OR51L1: variants seen among roughly 807,000 people sequenced by gnomAD.
OR51L1 encodes the protein olfactory receptor 51L1.
OR51L1 carries 1 observed loss-of-function variant against 1.4 expected under a neutral mutation model. That is an observed-to-expected ratio of 0.72 (90% CI 0.26 to 3.42). The LOEUF is 3.42. Ranked by LOEUF, OR51L1 falls within the 30% of genes most tolerant of loss-of-function variation. The probability of loss-of-function intolerance (pLI) is 0.20; values close to 1 mark genes in which losing one functional copy is unlikely to be tolerated. For missense variants in OR51L1, 378 were observed against 380.0 expected, an observed-to-expected ratio of 0.99 and a Z score of 0.04; for synonymous variants, 156 against 144.2, an observed-to-expected ratio of 1.08 and a Z score of -0.59.
In OR51L1 at chr11:5,002,651, G is replaced by C. The variant is rs922426846; in HGVS notation, c.*2721G>C. The C allele has an allele frequency of 6.6e-6, 1 of 152,082 alleles. No homozygotes were observed. The highest frequency in any genetic ancestry group is 6.5e-5 in the Admixed American group (1 of 15,272). 9.4% of individuals were successfully genotyped at this position (152,082 alleles called of 1,614,324 possible). The stretch of plus-strand genomic sequence containing the variant: ...AATGACTAATGTAGAAAGTTGGAAA[G>C]GTCTGGCCCCTTCAGCCCAGTGAAT... On this transcript the variant is annotated 3_prime_UTR_variant, in exon 3 of 3. Coordinates refer to ENST00000641819, the MANE Select transcript of OR51L1 (RefSeq NM_001004755.2).
chr11:5,000,805 C>T lies in OR51L1; in HGVS notation c.*875C>T, dbSNP rs1267689072. ...TTGTGGGGTCTATAAGGCTTGCTCA[C>T]GGATGTTTATCTTGGGTCATCTGGT... On this transcript the variant is annotated 3_prime_UTR_variant, in exon 3 of 3. Transcript: ENST00000641819. 2 of 152,276 alleles carry T rather than the reference C, an allele frequency of 1.3e-5. No homozygotes were observed. The highest frequency in any genetic ancestry group is 2.9e-5 in the Non-Finnish European group (2 of 68,146). The allele number at this position is 152,276 out of a possible 1,614,324, so 9.4% of individuals were successfully genotyped here. A position where few individuals can be genotyped will look rare whatever the true frequency, so the allele number is the denominator to read the frequency against.
At chr11:4,998,422 A>G (rs1361178033) in intron 2 of OR51L1, among the ~76,000 whole-genome samples, 1 of 151,938 alleles carries the variant, frequency 6.6e-6, no homozygotes, top group Non-Finnish European at 1.5e-5. Context: ...CTTTTCATAT[A>G]GGGGTATTTA....
In OR51L1 at chr11:4,999,023, T is replaced by G; in HGVS notation, c.41T>G (p.Phe14Cys). Reference protein sequence around the residue: ...WNNSDAVEPIFILRGFPGLEY... With the variant: ...WNNSDAVEPICILRGFPGLEY... ...AACAGTGATGCTGTGGAGCCCATAT[T>G]TATCCTGAGGGGTTTTCCTGGACTG... Residue 14 changes from phenylalanine (F) to cysteine (C), a missense_variant, in exon 3 of 3, where the codon TTT becomes TGT. Transcript: ENST00000641819. 1 of 1,614,028 alleles carries G rather than the reference T, an allele frequency of 6.2e-7. No homozygotes were observed.
rs1186632583 is a variant in OR51L1 at position 5,003,515 on chromosome 11, T to C, written c.*3585T>C. 6.6e-6 allele frequency: 1 copy of C among 152,266 alleles called. No homozygotes were observed. Among genetic ancestry groups the C allele is most frequent in the Admixed American group, 6.5e-5 (1 of 15,272 alleles). The allele number at this position is 152,266 out of a possible 1,614,324, so 9.4% of individuals were successfully genotyped here. A position where few individuals can be genotyped will look rare whatever the true frequency, so the allele number is the denominator to read the frequency against. ...CTCCCTGGCGCAGGCTGCCAATTTATCACTTTTAGAGAGGCAATGTGATAA... is the reference window on the plus strand; with the variant it reads ...CTCCCTGGCGCAGGCTGCCAATTTACCACTTTTAGAGAGGCAATGTGATAA... On this transcript the variant is annotated 3_prime_UTR_variant, in exon 3 of 3. Transcript: ENST00000641819.
Position 4,998,843 on chromosome 11 carries a change from C to A in OR51L1, c.-140C>A, listed in dbSNP as rs1326183809. The A allele has an allele frequency of 2.2e-6, 2 of 900,758 alleles. No individual in the cohort carries two copies. Among genetic ancestry groups the A allele is most frequent in the Non-Finnish European group, 3.3e-6 (2 of 598,108 alleles). 55.8% of individuals were successfully genotyped at this position (900,758 alleles called of 1,614,324 possible). On this transcript the variant is annotated 5_prime_UTR_variant, in exon 3 of 3. Coordinates refer to ENST00000641819, the MANE Select transcript of OR51L1 (RefSeq NM_001004755.2). ...ACATAGGGCCGACAAGAGATACCAGCTTCCTTCCTCTGTGAGGTTAGACGA... is the reference window on the plus strand; with the variant it reads ...ACATAGGGCCGACAAGAGATACCAGATTCCTTCCTCTGTGAGGTTAGACGA...
At position 4,996,769 on chromosome 11, in the gene OR51L1, C is replaced by CTTT. The variant is rs1554896491; in HGVS notation, c.-261-713_-261-712insTTT. Among the ~76,000 whole-genome samples the CTTT allele has an allele frequency of 1.2e-4, 10 of 84,722 alleles. No individual in the cohort carries two copies. In the South Asian group the frequency reaches 1.6e-3, roughly 14 times the overall value. The allele number at this position is 84,722 out of a possible 152,430, so 55.6% of individuals were successfully genotyped here. A position where few individuals can be genotyped will look rare whatever the true frequency, so the allele number is the denominator to read the frequency against. On this transcript the variant is annotated intron_variant, in intron 1 of 2. Transcript: ENST00000641819. ...TCTTTCTTTCTTTCTTTCTTTCTTT[C>CTTT]ATTTCTCTCTCTCTGTTTCTTTCTT... is the stretch of plus-strand genomic sequence containing the variant.
rs1847164709 is a variant in OR51L1, at chr11:5,005,102, T to C, written c.*5172T>C. The C allele has an allele frequency of 6.6e-6, 1 of 152,174 alleles. No homozygotes were observed. The highest frequency in any genetic ancestry group is 1.5e-5 in the Non-Finnish European group (1 of 68,042). The allele number at this position is 152,174 out of a possible 1,614,324, so 9.4% of individuals were successfully genotyped here. ...TCTGGGAAGGGCTACCCACAGATCA[T>C]TCATAAGTAAATTCTTTGCTTGCCT... is the stretch of plus-strand genomic sequence containing the variant. On this transcript the variant is annotated 3_prime_UTR_variant, in exon 3 of 3. Coordinates refer to ENST00000641819, the MANE Select transcript of OR51L1 (RefSeq NM_001004755.2).
rs1003335436 is a variant in OR51L1 at position 4,999,030 on chromosome 11, G to A, written c.48G>A (p.Leu16=). 6.2e-7 allele frequency: 1 copy of A among 1,613,920 alleles called. No homozygotes were observed. Among genetic ancestry groups the A allele is most frequent in the Non-Finnish European group, 8.5e-7 (1 of 1,179,912 alleles). ...ATGCTGTGGAGCCCATATTTATCCT[G>A]AGGGGTTTTCCTGGACTGGAGTATG... ...NSDAVEPIFI[L]RGFPGLEYVH... The change falls in exon 3 of 3, where the codon CTG becomes CTA. Residue 16 remains leucine (L), a synonymous_variant. Coordinates refer to ENST00000641819, the MANE Select transcript of OR51L1 (RefSeq NM_001004755.2).
In OR51L1 at chr11:5,004,750, A is replaced by T. The variant is rs557890786; in HGVS notation, c.*4820A>T. 2 of 152,266 alleles carry T rather than the reference A, an allele frequency of 1.3e-5. No individual in the cohort carries two copies. Among genetic ancestry groups the T allele is most frequent in the South Asian group, 4.1e-4 (2 of 4,822 alleles). The allele number at this position is 152,266 out of a possible 1,614,324, so 9.4% of individuals were successfully genotyped here. ...TTTGAAACTGGGACAATAAATAAAT[A>T]ACTGACACATTTGCTGATATTATCA... On this transcript the variant is annotated 3_prime_UTR_variant, in exon 3 of 3. Transcript: ENST00000641819.
chr11:5,005,519 A>G lies in OR51L1; in HGVS notation c.*5589A>G, dbSNP rs745353948. On this transcript the variant is annotated 3_prime_UTR_variant, in exon 3 of 3. Coordinates refer to ENST00000641819, the MANE Select transcript of OR51L1 (RefSeq NM_001004755.2). ...CTTTTGTTTTTCCCAGAAGTGCCCT[A>G]AACCTGGCTTAATAAACTTCAGTGA... 6.6e-6 allele frequency: 1 copy of G among 152,170 alleles called. No individual in the cohort carries two copies. The highest frequency in any genetic ancestry group is 2.4e-5 in the African/African-American group (1 of 41,450). 9.4% of individuals were successfully genotyped at this position (152,170 alleles called of 1,614,324 possible). A position where few individuals can be genotyped will look rare whatever the true frequency, so the allele number is the denominator to read the frequency against.
At chr11:4,996,368 T>C (rs1053737394) in intron 1 of OR51L1, among the ~76,000 whole-genome samples, 1 of 152,032 alleles carries the variant, frequency 6.6e-6, no homozygotes, top group Non-Finnish European at 1.5e-5. Flanking sequence ...CAGTTAAAAA[T>C]TAATAGGGAT....
chr11:4,999,858 T>A lies in OR51L1; in HGVS notation c.876T>A (p.Ile292=). 1 of 1,613,928 alleles carries A rather than the reference T, an allele frequency of 6.2e-7. No individual in the cohort carries two copies. The highest frequency in any genetic ancestry group is 8.5e-7 in the Non-Finnish European group (1 of 1,179,882). ...TTCTTCCCCCAGTCCTTAACCCTAT[T>A]GTCTATAGTGTCAGAACAAAGCAGA... The part of the protein sequence containing the change: ...YLLLPPVLNP[I]VYSVRTKQIR... The change falls in exon 3 of 3, where the codon ATT becomes ATA. Residue 292 remains isoleucine, a synonymous_variant. Transcript: ENST00000641819.
chr11:5,000,108 T>G lies in OR51L1; in HGVS notation c.*178T>G, dbSNP rs576555624. 11 of 638,356 alleles carry G rather than the reference T, an allele frequency of 1.7e-5. No individual in the cohort carries two copies. Among genetic ancestry groups the G allele is most frequent in the East Asian group, 2.8e-5 (1 of 35,760 alleles). The allele number at this position is 638,356 out of a possible 1,614,324, so 39.5% of individuals were successfully genotyped here. On this transcript the variant is annotated 3_prime_UTR_variant, in exon 3 of 3. Coordinates refer to ENST00000641819, the MANE Select transcript of OR51L1 (RefSeq NM_001004755.2). ...AAACTCAGGATTTTTTTGGACAAAT[T>G]GTGACAACTATGGCCTTACGTTGTC...
intron 1 of OR51L1, among the ~76,000 whole-genome samples, chr11:4,996,769 C>CTTTCTTTCTTTG (rs1554896491): frequency 2.4e-5 from 2 of 84,696 alleles, no homozygotes; most frequent in African/African-American, 4.6e-5. Context: ...TTCTTTCTTT[C>CTTTCTTTCTTTG]ATTTCTCTCT....
Position 4,998,942 on chromosome 11 carries a change from C to T in OR51L1, c.-41C>T, listed in dbSNP as rs373919370. ...CTTTGAGGGATCAGGAAGGAAAACACGAACCATTCCTCACTACTTGCTGAA... is the reference window on the plus strand; with the variant it reads ...CTTTGAGGGATCAGGAAGGAAAACATGAACCATTCCTCACTACTTGCTGAA... On this transcript the variant is annotated 5_prime_UTR_variant, in exon 3 of 3. The change creates a new upstream start codon in the 5' untranslated region. Coordinates refer to ENST00000641819, the MANE Select transcript of OR51L1 (RefSeq NM_001004755.2). 1.1e-4 allele frequency: 169 copies of T among 1,577,348 alleles called. No homozygotes were observed. The highest frequency in any genetic ancestry group is 4.8e-4 in the Admixed American group (27 of 56,418).
At chr11:4,996,739 T>TTCTTTCTTTCTG (rs1847075442) in intron 1 of OR51L1, among the ~76,000 whole-genome samples, 1 of 149,776 alleles carries the variant, frequency 6.7e-6, no homozygotes, top group African/African-American at 2.5e-5. Flanking sequence ...CTTTCTTTCT[T>TTCTTTCTTTCTG]TCTTTCTTTC....
chr11:5,000,053 T>G lies in OR51L1; in HGVS notation c.*123T>G, dbSNP rs556605802. 2.0e-6 allele frequency: 2 copies of G among 1,012,558 alleles called. No homozygotes were observed. Among genetic ancestry groups the G allele is most frequent in the Non-Finnish European group, 2.8e-6 (2 of 722,582 alleles). The allele number at this position is 1,012,558 out of a possible 1,614,324, so 62.7% of individuals were successfully genotyped here. ...TCCTAATTCTTTCACTTCTTATACA[T>G]GTAATTTCAGTTAATCTTTAACCAA... On this transcript the variant is annotated 3_prime_UTR_variant, in exon 3 of 3. Coordinates refer to ENST00000641819, the MANE Select transcript of OR51L1 (RefSeq NM_001004755.2).
At chr11:4,997,044 C>T (rs1847079698) in intron 1 of OR51L1, among the ~76,000 whole-genome samples, 1 of 152,106 alleles carries the variant, frequency 6.6e-6, no homozygotes, top group South Asian at 2.1e-4. Flanking sequence ...GGGTAGCTGA[C>T]TGCTTTATTT....
At chr11:4,996,561 G>T (rs915248002) in intron 1 of OR51L1, among the ~76,000 whole-genome samples, 16 of 152,132 alleles carry the variant, frequency 1.1e-4, no homozygotes, top group Middle Eastern at 3.4e-3. Context: ...AAGAAAATAT[G>T]ATTTATTTCA....
Sources: allele counts gnomAD v4.1 joint callset (sites outside exome capture counted in the v4.1 genomes callset), GRCh38; gene constraint gnomAD v4.1.1; transcripts MANE v1.5; gene names NCBI Gene and HGNC (gene_info 2026-07-23, HGNC 2026-07-21).